Variants in SHLD2 observed in about 807,000 individuals in gnomAD.
SHLD2 encodes RINN1-REV7-interacting novel NHEJ regulator 2.
A neutral mutation model predicts 73.2 loss-of-function variants in SHLD2; 30 were observed. The observed-to-expected ratio is 0.41, with a 90% CI of 0.31 to 0.56. The LOEUF (loss-of-function observed/expected upper bound fraction) is 0.56, where lower values mean the gene tolerates loss of function less well. Ranked by LOEUF, SHLD2 falls within the 20% of genes least tolerant of loss-of-function variation. The pLI is 0.28. For synonymous variants in SHLD2, 285 were observed against 370.1 expected (o/e 0.77, Z 2.64); for missense variants, 745 against 1,055.9 (o/e 0.71, Z 4.08).
chr10:87,100,881 T>G (rs1459037092), intron 2 of SHLD2, among the ~76,000 whole-genome samples: 2 of 152,194 alleles, frequency 1.3e-5, no homozygotes, highest in South Asian at 4.1e-4. Context: ...ATTAGGATCA[T>G]GTTTCCAATT....
At chr10:87,095,340 G>T (rs1038737289) in intron 1 of SHLD2, 92 bp downstream of exon 1, 2 of 152,032 alleles carry the variant, frequency 1.3e-5, no homozygotes, top group African/African-American at 4.8e-5. Context: ...CTCAGAGGCC[G>T]AGTCCCCCCG....
rs530964784 is a variant in SHLD2, at chr10:87,148,562, G to A, written c.-5-2788G>A. On this transcript the variant is annotated intron_variant, in intron 2 of 9. Transcript: ENST00000298786. ...AAGAAACAACAAACAAGTTTGTGGG[G>A]GGGCGGGGGTTGGTTTTATTTTTAA... Among the ~76,000 whole-genome samples the A allele has an allele frequency of 8.0e-3, 1,140 of 142,466 alleles. 24 individuals are homozygous for A. The highest frequency in any genetic ancestry group is 0.03 in the African/African-American group (1,117 of 37,208). The allele number at this position is 142,466 out of a possible 152,430, so 93.5% of individuals were successfully genotyped here.
chr10:87,168,262 T>C (rs1260287722), intron 4 of SHLD2, among the ~76,000 whole-genome samples: 1 of 151,830 alleles, frequency 6.6e-6, no homozygotes, highest in African/African-American at 2.4e-5. Flanking sequence ...ATAAAGAAAA[T>C]GTGGTACATA....
intron 8 of SHLD2, among the ~76,000 whole-genome samples, chr10:87,183,024 G>C (rs1369010900): frequency 6.6e-6 from 1 of 152,224 alleles, no homozygotes; most frequent in African/African-American, 2.4e-5. Context: ...CTGTGCGTTG[G>C]AGAGTGGATT....
At chr10:87,164,215 C>T (rs1847033462) in intron 4 of SHLD2, among the ~76,000 whole-genome samples, 1 of 151,932 alleles carries the variant, frequency 6.6e-6, no homozygotes, top group African/African-American at 2.4e-5. Context: ...ACTTTGGCCT[C>T]CCAAAGTGCT....
intron 2 of SHLD2, among the ~76,000 whole-genome samples, chr10:87,110,077 C>T (rs1842827663): frequency 6.7e-6 from 1 of 148,536 alleles, no homozygotes; most frequent in East Asian, 2.0e-4. Flanking sequence ...TCACTTGAGC[C>T]CAGAAGTTTG....
intron 2 of SHLD2, among the ~76,000 whole-genome samples, chr10:87,106,664 A>G (rs1355154972): frequency 6.6e-6 from 1 of 152,190 alleles, no homozygotes; most frequent in East Asian, 1.9e-4. Flanking sequence ...TCCATCCTCA[A>G]CTTCTGGGGA....
At chr10:87,169,510 C>G (rs1847435708) in intron 4 of SHLD2, among the ~76,000 whole-genome samples, 1 of 152,080 alleles carries the variant, frequency 6.6e-6, no homozygotes, top group South Asian at 2.1e-4. Flanking sequence ...AGTCTTGTTT[C>G]ACCTGTTACA....
At chr10:87,162,089 A>ATC (rs1318195875) in intron 4 of SHLD2, among the ~76,000 whole-genome samples, 1 of 151,960 alleles carries the variant, frequency 6.6e-6, no homozygotes, top group Non-Finnish European at 1.5e-5. Flanking sequence ...TTGGACACAT[A>ATC]TCTCACAACA....
At chr10:87,107,041 A>T (rs181156636) in intron 2 of SHLD2, among the ~76,000 whole-genome samples, 1 of 151,734 alleles carries the variant, frequency 6.6e-6, no homozygotes, top group Admixed American at 6.6e-5. Flanking sequence ...AAACTAGTGA[A>T]GCACAGAGAG....
rs534208323 is a variant in SHLD2, at chr10:87,167,914, G to T, written c.1634-2564G>T. 1.8e-3 allele frequency among the ~76,000 whole-genome samples: 278 copies of T among 152,174 alleles called. 2 individuals carry two copies. The highest frequency in any genetic ancestry group is 6.4e-3 in the African/African-American group (265 of 41,518). ...CTTGTCTTAGCCTCCCAAAGTGCTG[G>T]AATTACATGTGTGAGCCACCACTCC... On this transcript the variant is annotated intron_variant, in intron 4 of 9. Coordinates refer to ENST00000298786, the MANE Select transcript of SHLD2 (RefSeq NM_001330112.2).
intron 2 of SHLD2, among the ~76,000 whole-genome samples, chr10:87,101,821 C>T (rs959074274): frequency 5.9e-5 from 9 of 151,994 alleles, no homozygotes; most frequent in Non-Finnish European, 1.0e-4. Context: ...GGCTGAGGTA[C>T]GAGAATTACC....
intron 6 of SHLD2, among the ~76,000 whole-genome samples, chr10:87,174,778 T>A (rs1322227191): frequency 5.9e-5 from 9 of 152,288 alleles, no homozygotes; most frequent in East Asian, 3.9e-4. Context: ...AATTTACTAA[T>A]AGAGAATATA....
intron 8 of SHLD2, among the ~76,000 whole-genome samples, chr10:87,185,433 G>A (rs1273956604): frequency 6.6e-6 from 1 of 152,128 alleles, no homozygotes; most frequent in Non-Finnish European, 1.5e-5. Context: ...ATATATTTAG[G>A]AGTGGTGGAA....
At chr10:87,167,124 A>C (rs1473142591) in intron 4 of SHLD2, among the ~76,000 whole-genome samples, 1 of 152,138 alleles carries the variant, frequency 6.6e-6, no homozygotes, top group African/African-American at 2.4e-5. Flanking sequence ...AAATGTAGAT[A>C]TCTCTGGTTT....
chr10:87,156,849 G>A (rs986417144), intron 3 of SHLD2, among the ~76,000 whole-genome samples: 7 of 152,090 alleles, frequency 4.6e-5, no homozygotes, highest in South Asian at 2.1e-4. Context: ...TAAGTCACCT[G>A]AACTCATTAA....
intron 2 of SHLD2, among the ~76,000 whole-genome samples, chr10:87,118,288 G>A (rs1304724524): frequency 2.0e-5 from 3 of 152,156 alleles, no homozygotes; most frequent in Non-Finnish European, 4.4e-5. Flanking sequence ...AGTATTTATA[G>A]AGAGATTAGT....
At chr10:87,131,726 A>G (rs114615168) in intron 2 of SHLD2, among the ~76,000 whole-genome samples, 2 of 152,096 alleles carry the variant, frequency 1.3e-5, no homozygotes, top group African/African-American at 2.4e-5. Flanking sequence ...TTGGGTATAT[A>G]CCTCGGTGTG....
chr10:87,185,699 C>G (rs1589676227), intron 8 of SHLD2, among the ~76,000 whole-genome samples: 2 of 152,050 alleles, frequency 1.3e-5, no homozygotes, highest in African/African-American at 4.8e-5. Context: ...GTAGTTTTAC[C>G]TCCTACATTT....
Sources: allele counts gnomAD v4.1 joint callset (sites outside exome capture counted in the v4.1 genomes callset), GRCh38; gene constraint gnomAD v4.1.1; transcripts MANE v1.5; gene names NCBI Gene and HGNC (gene_info 2026-07-23, HGNC 2026-07-21).